Variants in PLXNA4 observed in about 807,000 individuals in gnomAD.
PLXNA4 encodes plexin-A4.
A neutral mutation model predicts 191.8 loss-of-function variants in PLXNA4; 44 were observed. That is an observed-to-expected ratio of 0.23 (90% CI 0.18 to 0.29). The LOEUF is 0.29. PLXNA4 is among the 10% of genes least tolerant of loss of function. The pLI is 1.00. For synonymous variants in PLXNA4, 1,082 were observed against 1,009.5 expected (o/e 1.07, Z -1.36); for missense variants, 1,800 against 2,488.8 (o/e 0.72, Z 5.89).
At chr7:132,305,337 C>T (rs1372530484) in intron 3 of PLXNA4, among the ~76,000 whole-genome samples, 1 of 150,542 alleles carries the variant, frequency 6.6e-6, no homozygotes, top group African/African-American at 2.4e-5. Context: ...CTGCACTACT[C>T]CACACTACAT....
intron 12 of PLXNA4, among the ~76,000 whole-genome samples, chr7:132,202,177 A>T (rs1797459701): frequency 2.6e-5 from 4 of 152,036 alleles, no homozygotes; most frequent in Admixed American, 1.3e-4. Flanking sequence ...GCTCCATCTT[A>T]CAGCTCAGGG....
intron 3 of PLXNA4, among the ~76,000 whole-genome samples, chr7:132,478,555 T>C (rs184389224): frequency 6.6e-6 from 1 of 152,324 alleles, no homozygotes; most frequent in East Asian, 1.9e-4. Context: ...TATTGACTTA[T>C]AGATTTTTAA....
At position 132,178,839 on chromosome 7, in the gene PLXNA4, CATAT is replaced by C. The variant is rs142473480; in HGVS notation, c.3874+844_3874+847del. Among the ~76,000 whole-genome samples the C allele has an allele frequency of 6.7e-3, 529 of 78,770 alleles. 13 individuals are homozygous for C. Among genetic ancestry groups the C allele is most frequent in the South Asian group, 0.023 (34 of 1,470 alleles). The allele number at this position is 78,770 out of a possible 152,430, so 51.7% of individuals were successfully genotyped here. A position where few individuals can be genotyped will look rare whatever the true frequency, so the allele number is the denominator to read the frequency against. The stretch of plus-strand genomic sequence containing the variant: ...TGTAAATGAAACACATACACATACA[CATAT>C]ATACACACACACACACACACACACA... On this transcript the variant is annotated intron_variant, in intron 20 of 31. Coordinates refer to ENST00000321063, the MANE Select transcript of PLXNA4 (RefSeq NM_020911.2).
chr7:132,554,946 C>T, intron 1 of PLXNA4, among the ~76,000 whole-genome samples: 1 of 148,806 alleles, frequency 6.7e-6, no homozygotes, highest in Non-Finnish European at 1.5e-5. Flanking sequence ...AGGCTCCAGG[C>T]AATAATTACT....
chr7:132,639,628 C>T (rs1043993250), intron 2 of PLXNA4, among the ~76,000 whole-genome samples: 2 of 152,216 alleles, frequency 1.3e-5, no homozygotes, highest in Admixed American at 1.3e-4. Flanking sequence ...CCTCCCACCC[C>T]TACCTGGTTC....
At chr7:132,204,539 G>A (rs1797549585) in intron 10 of PLXNA4, among the ~76,000 whole-genome samples, 1 of 152,182 alleles carries the variant, frequency 6.6e-6, no homozygotes, top group South Asian at 2.1e-4. Context: ...TGTGTTTGCA[G>A]GACCTACAGG....
chr7:132,278,973 C>T (rs1223765156), intron 4 of PLXNA4, among the ~76,000 whole-genome samples: 1 of 152,222 alleles, frequency 6.6e-6, no homozygotes, highest in African/African-American at 2.4e-5. Context: ...CGTGACTCGG[C>T]TGGCTCTGTA....
chr7:132,540,835 C>A (rs992501298), intron 1 of PLXNA4, among the ~76,000 whole-genome samples: 1 of 151,882 alleles, frequency 6.6e-6, no homozygotes, highest in Admixed American at 6.6e-5. Flanking sequence ...GATCCACCCG[C>A]CTCGGCCTCC....
intron 4 of PLXNA4, among the ~76,000 whole-genome samples, chr7:132,249,665 G>A (rs1178406014): frequency 1.3e-5 from 2 of 152,244 alleles, no homozygotes; most frequent in African/African-American, 4.8e-5. Flanking sequence ...CCAAGGTCAC[G>A]CAGCAGGGCG....
At chr7:132,359,599 G>T (rs535006318) in intron 3 of PLXNA4, among the ~76,000 whole-genome samples, 9 of 152,184 alleles carry the variant, frequency 5.9e-5, no homozygotes, top group African/African-American at 2.2e-4. Context: ...AACATATTTT[G>T]TAAAATAAAG....
chr7:132,341,013 A>T (rs1803006548), intron 3 of PLXNA4, among the ~76,000 whole-genome samples: 1 of 152,192 alleles, frequency 6.6e-6, no homozygotes, highest in Admixed American at 6.5e-5. Flanking sequence ...TGCAGAACCC[A>T]TAGCAGCTAT....
At chr7:132,345,654 C>T (rs144640771) in intron 3 of PLXNA4, among the ~76,000 whole-genome samples, 2 of 152,298 alleles carry the variant, frequency 1.3e-5, no homozygotes, top group South Asian at 2.1e-4. Flanking sequence ...GTTGGGAACT[C>T]CCCTCCAATA....
At chr7:132,432,519 A>G (rs1425580323) in intron 3 of PLXNA4, among the ~76,000 whole-genome samples, 1 of 152,146 alleles carries the variant, frequency 6.6e-6, no homozygotes, top group Non-Finnish European at 1.5e-5. Context: ...CTTGGTTCCA[A>G]GGAACTCAAA....
At chr7:132,331,445 G>A (rs1448303405) in intron 3 of PLXNA4, among the ~76,000 whole-genome samples, 2 of 152,226 alleles carry the variant, frequency 1.3e-5, no homozygotes, top group African/African-American at 4.8e-5. Context: ...GAAGGAGCAA[G>A]ACACACAGCT....
rs1030690212 is a variant in PLXNA4 at position 132,574,685 on chromosome 7, G to A, written c.-87+1737C>T. Reference sequence around the variant, plus strand: ...ATGCTTTTCAATCAATCAAAGGGCAGCTCACACAGCACACAGCGGGAATAC... The same window carrying A: ...ATGCTTTTCAATCAATCAAAGGGCAACTCACACAGCACACAGCGGGAATAC... On this transcript the variant is annotated intron_variant, in intron 1 of 31. Transcript: ENST00000321063. Among the ~76,000 whole-genome samples, 4 of 152,202 alleles carry A rather than the reference G, an allele frequency of 2.6e-5. No individual in the cohort carries two copies. The South Asian group carries it at 6.2e-4, about 24-fold the overall frequency.
chr7:132,524,125 T>C (rs1391719944), intron 1 of PLXNA4, among the ~76,000 whole-genome samples: 1 of 152,222 alleles, frequency 6.6e-6, no homozygotes, highest in African/African-American at 2.4e-5. Context: ...GATATCAACC[T>C]AACCCTGCAA....
At chr7:132,544,824 T>C (rs1800225525) in intron 1 of PLXNA4, among the ~76,000 whole-genome samples, 1 of 152,130 alleles carries the variant, frequency 6.6e-6, no homozygotes, top group African/African-American at 2.4e-5. Flanking sequence ...ATAGAAAACT[T>C]TCACTTTCAT....
At chr7:132,629,832 G>A (rs566834840) in intron 2 of PLXNA4, among the ~76,000 whole-genome samples, 26 of 152,084 alleles carry the variant, frequency 1.7e-4, no homozygotes, top group African/African-American at 6.3e-4. Flanking sequence ...TGCATGGAGA[G>A]ACAGTGTTCT....
chr7:132,252,354 C>G (rs1472024224), intron 4 of PLXNA4, among the ~76,000 whole-genome samples: 1 of 122,142 alleles, frequency 8.2e-6, no homozygotes, highest in Non-Finnish European at 1.6e-5. Context: ...CTCTGTTGCC[C>G]AGGCTGGAGT....
Sources: allele counts gnomAD v4.1 joint callset (sites outside exome capture counted in the v4.1 genomes callset), GRCh38; gene constraint gnomAD v4.1.1; transcripts MANE v1.5; gene names NCBI Gene and HGNC (gene_info 2026-07-23, HGNC 2026-07-21).